MCOLN2: variants seen among roughly 807,000 people sequenced by gnomAD.
MCOLN2 encodes mucolipin TRP cation channel 2.
In MCOLN2, 57 loss-of-function variants were observed where a neutral mutation model predicts 67.5. That is an observed-to-expected ratio of 0.84 (90% CI 0.68 to 1.05). The LOEUF is 1.05. Among genes scored for constraint, MCOLN2 ranks in the 50% least tolerant of loss-of-function variants. MCOLN2 has a pLI of 0.00. For synonymous variants in MCOLN2, 246 were observed against 233.3 expected (o/e 1.05, Z -0.50); for missense variants, 620 against 678.8 (o/e 0.91, Z 0.96).
At chr1:84,941,808 T>C (rs1394719237) in intron 7 of MCOLN2, among the ~76,000 whole-genome samples, 1 of 152,196 alleles carries the variant, frequency 6.6e-6, no homozygotes, top group Non-Finnish European at 1.5e-5. Context: ...GCCTTCTCTG[T>C]ATGTAGAGAA....
At position 84,937,806 on chromosome 1, in the gene MCOLN2, A is replaced by ATAAATCATACC. The variant is rs1287405823; in HGVS notation, c.1273_1283dup (p.Tyr428Ter). On this transcript the variant is annotated stop_gained and frameshift_variant, in exon 11 of 14. Transcript: ENST00000370608. LOFTEE classifies it high-confidence loss of function. ...TCCAGCCACAGAATGTGTAACCCAG[A>ATAAATCATACC]TAAATCATACCAGCACAAGCACAAA... 2 of 1,614,234 alleles carry ATAAATCATACC rather than the reference A, an allele frequency of 1.2e-6. No individual in the cohort carries two copies. Among genetic ancestry groups the ATAAATCATACC allele is most frequent in the Non-Finnish European group, 1.7e-6 (2 of 1,180,032 alleles).
chr1:84,956,542 C>T lies in MCOLN2; in HGVS notation c.454G>A (p.Gly152Arg), dbSNP rs1648804042. The T allele has an allele frequency of 6.2e-6, 10 of 1,610,546 alleles. No individual in the cohort carries two copies. Among genetic ancestry groups the T allele is most frequent in the Admixed American group, 1.7e-5 (1 of 59,252 alleles). ...KDITLGTLGY[G>R]ENEDNRIGLK... Reference sequence around the variant, plus strand: ...CCAATTCTATTGTCTTCATTTTCTCCATAACCAAGGGTCCCCAGGGTAATG... The same window carrying T: ...CCAATTCTATTGTCTTCATTTTCTCTATAACCAAGGGTCCCCAGGGTAATG... The change falls in exon 4 of 14, where the codon GGA becomes AGA. Residue 152 changes from glycine to arginine, a missense_variant. Physicochemically the swap from Gly to Arg is moderately radical, Grantham distance 125. Coordinates refer to ENST00000370608, the MANE Select transcript of MCOLN2 (RefSeq NM_153259.4).
chr1:84,968,461 ATAAC>A (rs1335492900), intron 1 of MCOLN2, among the ~76,000 whole-genome samples: 1 of 152,236 alleles, frequency 6.6e-6, no homozygotes, highest in Non-Finnish European at 1.5e-5. Context: ...GTAGTTAAAT[ATAAC>A]TAAGCACATG....
intron 6 of MCOLN2, among the ~76,000 whole-genome samples, chr1:84,948,725 G>A (rs1440943312): frequency 6.6e-6 from 1 of 152,210 alleles, no homozygotes. Flanking sequence ...ATTCAACAGA[G>A]AGACATAGCA....
chr1:84,926,159 T>G lies in MCOLN2; in HGVS notation c.*526A>C, dbSNP rs1295263395. The G allele has an allele frequency of 6.6e-6, 1 of 152,626 alleles. No individual in the cohort carries two copies. The highest frequency in any genetic ancestry group is 1.5e-5 in the Non-Finnish European group (1 of 68,404). 9.5% of individuals were successfully genotyped at this position (152,626 alleles called of 1,614,324 possible). A position where few individuals can be genotyped will look rare whatever the true frequency, so the allele number is the denominator to read the frequency against. On this transcript the variant is annotated 3_prime_UTR_variant, in exon 14 of 14. Transcript: ENST00000370608. The stretch of plus-strand genomic sequence containing the variant: ...CCTAGGCCTCCCAAAGTGCTGGGAT[T>G]ACAGGTGTGAACCACTGTGCCAGGC...
rs147999780 is a variant in MCOLN2 at position 84,979,294 on chromosome 1, T to C, written c.78-13586A>G. Among the ~76,000 whole-genome samples, 1,039 of 152,148 alleles carry C rather than the reference T, an allele frequency of 6.8e-3. 8 individuals carry two copies. Among genetic ancestry groups the C allele is most frequent in the Admixed American group, 5.6e-3 (86 of 15,286 alleles). ...ATCCTACTCAAACTTTTCTGAAAAA[T>C]AGAAGAGGAAACAATGCTTCCAAAC... On this transcript the variant is annotated intron_variant, in intron 1 of 13. Coordinates refer to ENST00000370608, the MANE Select transcript of MCOLN2 (RefSeq NM_153259.4).
chr1:84,942,709 G>T (rs952291082), intron 7 of MCOLN2, among the ~76,000 whole-genome samples: 9 of 152,198 alleles, frequency 5.9e-5, no homozygotes, highest in African/African-American at 2.2e-4. Context: ...TATTGAGAGG[G>T]AGGGCCTTTA....
intron 2 of MCOLN2, among the ~76,000 whole-genome samples, chr1:84,959,833 T>C (rs974639102): frequency 2.6e-5 from 4 of 152,226 alleles, no homozygotes; most frequent in African/African-American, 9.6e-5. Flanking sequence ...TTATTTGTTG[T>C]CATTCCATGG....
chr1:84,977,050 T>C (rs1053568054), intron 1 of MCOLN2, among the ~76,000 whole-genome samples: 2 of 151,902 alleles, frequency 1.3e-5, no homozygotes, highest in African/African-American at 2.4e-5. Context: ...TTTCAAGACA[T>C]AGACAGTACA....
At chr1:84,984,204 A>G (rs1022079109) in intron 1 of MCOLN2, among the ~76,000 whole-genome samples, 2 of 152,220 alleles carry the variant, frequency 1.3e-5, no homozygotes, top group African/African-American at 4.8e-5. Flanking sequence ...AGCTATTAAC[A>G]TACTGTAATG....
chr1:84,945,967 T>C (rs1648080186), intron 7 of MCOLN2, among the ~76,000 whole-genome samples: 1 of 152,198 alleles, frequency 6.6e-6, no homozygotes, highest in African/African-American at 2.4e-5. Context: ...CAGGCTGATC[T>C]TGAACTCCTG....
At chr1:84,956,026 T>A (rs1179913545) in intron 4 of MCOLN2, among the ~76,000 whole-genome samples, 1 of 152,118 alleles carries the variant, frequency 6.6e-6, no homozygotes, top group Non-Finnish European at 1.5e-5. Context: ...TAATCACAAT[T>A]CACCTTTGAA....
chr1:84,955,006 A>G (rs1648704784), intron 4 of MCOLN2, among the ~76,000 whole-genome samples: 2 of 152,126 alleles, frequency 1.3e-5, no homozygotes, highest in South Asian at 2.1e-4. Flanking sequence ...TAATCCCCAC[A>G]TGTTGTGAGA....
chr1:84,941,652 C>T (rs1047396848), intron 7 of MCOLN2, among the ~76,000 whole-genome samples: 8 of 152,186 alleles, frequency 5.3e-5, no homozygotes, highest in African/African-American at 1.7e-4. Flanking sequence ...TGCTGACCTA[C>T]TCTGAGTTCT....
chr1:84,987,650 A>G (rs1389887151), intron 1 of MCOLN2, among the ~76,000 whole-genome samples: 5 of 114,892 alleles, frequency 4.4e-5, no homozygotes, highest in African/African-American at 1.4e-4. Context: ...ATAGAAATAT[A>G]TACATACATA....
At chr1:84,927,302 C>T (rs1000410095) in intron 13 of MCOLN2, among the ~76,000 whole-genome samples, 1 of 151,790 alleles carries the variant, frequency 6.6e-6, no homozygotes, top group East Asian at 1.9e-4. Flanking sequence ...TGTGTCCCTT[C>T]GCTAACAAGG....
intron 8 of MCOLN2, among the ~76,000 whole-genome samples, chr1:84,940,005 A>AT (rs1173362032): frequency 1.3e-5 from 2 of 152,132 alleles, no homozygotes; most frequent in East Asian, 3.9e-4. Flanking sequence ...ATCCATTCCG[A>AT]TAACAACCCA....
At chr1:84,947,587 C>A (rs1648184877) in intron 6 of MCOLN2, among the ~76,000 whole-genome samples, 1 of 152,226 alleles carries the variant, frequency 6.6e-6, no homozygotes, top group East Asian at 1.9e-4. Context: ...AGAATGCCAG[C>A]AGTCCTTGCT....
chr1:84,954,867 T>C (rs1648695092), intron 4 of MCOLN2, among the ~76,000 whole-genome samples: 1 of 152,154 alleles, frequency 6.6e-6, no homozygotes, highest in African/African-American at 2.4e-5. Context: ...TAACAGTAAG[T>C]AAAAATATAT....
Sources: allele counts gnomAD v4.1 joint callset (sites outside exome capture counted in the v4.1 genomes callset), GRCh38; gene constraint gnomAD v4.1.1; transcripts MANE v1.5; gene names NCBI Gene and HGNC (gene_info 2026-07-23, HGNC 2026-07-21).